Variants in NSD2 observed in about 807,000 individuals in gnomAD.
NSD2 encodes the protein histone-lysine N-methyltransferase NSD2.
A neutral mutation model predicts 139.0 loss-of-function variants in NSD2; 12 were observed. That is an observed-to-expected ratio of 0.09 (90% CI 0.06 to 0.14). The LOEUF is 0.14. NSD2 is among the 10% of genes least tolerant of loss of function. The probability of loss-of-function intolerance (pLI) is 1.00; values close to 1 mark genes in which losing one functional copy is unlikely to be tolerated. For missense variants in NSD2, 1,155 were observed against 1,745.0 expected (o/e 0.66, Z 6.02); for synonymous variants, 669 against 648.7 (o/e 1.03, Z -0.48).
intron 3 of NSD2, among the ~76,000 whole-genome samples, chr4:1,906,247 T>A (rs1004962785): frequency 1.3e-5 from 2 of 152,198 alleles, no homozygotes; most frequent in Non-Finnish European, 2.9e-5. Flanking sequence ...ACTTTTAATT[T>A]CTTTTTTTGG....
chr4:1,896,990 G>A (rs192060792), intron 1 of NSD2, among the ~76,000 whole-genome samples: 43 of 151,998 alleles, frequency 2.8e-4, no homozygotes, highest in African/African-American at 9.6e-4. Context: ...CGGCAACATG[G>A]TGAGACTTTG....
intron 1 of NSD2, among the ~76,000 whole-genome samples, chr4:1,895,740 C>G (rs1465504222): frequency 6.6e-6 from 1 of 152,192 alleles, no homozygotes; most frequent in East Asian, 1.9e-4. Context: ...CTCAGGTTTC[C>G]CTGCAGGTCC....
At chr4:1,888,857 C>G (rs560060311) in intron 1 of NSD2, among the ~76,000 whole-genome samples, 2 of 151,592 alleles carry the variant, frequency 1.3e-5, no homozygotes, top group African/African-American at 2.4e-5. Flanking sequence ...TGAGCCACCA[C>G]GCCTGGCTGC....
rs1723253391 is a variant in NSD2, at chr4:1,942,976, G to GA, written c.1881+3205dup. On this transcript the variant is annotated intron_variant, in intron 9 of 21. Coordinates refer to ENST00000508803, the MANE Select transcript of NSD2 (RefSeq NM_001042424.3). This position sits in a 1 kb window ranked among gnomAD's most constrained non-coding sequence, Gnocchi z 4.0. Reference sequence around the variant, plus strand: ...TGACACTAGATACAGTAAATTTTTAGAAAAAAATACCATTTACAGTATTAT... The same window carrying GA: ...TGACACTAGATACAGTAAATTTTTAGAAAAAAAATACCATTTACAGTATTAT... 3.8e-6 allele frequency: 4 copies of GA among 1,051,044 alleles called. No homozygotes were observed. Among genetic ancestry groups the GA allele is most frequent in the East Asian group, 5.4e-5 (1 of 18,388 alleles). The allele number at this position is 1,051,044 out of a possible 1,614,324, so 65.1% of individuals were successfully genotyped here. A position where few individuals can be genotyped will look rare whatever the true frequency, so the allele number is the denominator to read the frequency against.
intron 9 of NSD2, among the ~76,000 whole-genome samples, chr4:1,950,030 G>A (rs780610748): frequency 7.2e-5 from 11 of 152,252 alleles, no homozygotes; most frequent in Non-Finnish European, 1.6e-4. Flanking sequence ...TGATGATTGA[G>A]GTGTACAGGA....
chr4:1,906,211 C>A (rs2108763342), intron 3 of NSD2, among the ~76,000 whole-genome samples: 1 of 152,220 alleles, frequency 6.6e-6, no homozygotes, highest in East Asian at 1.9e-4. Context: ...TTGAAAGTCT[C>A]CTTGTTCTTC....
intron 1 of NSD2, among the ~76,000 whole-genome samples, chr4:1,880,218 C>T (rs966405916): frequency 3.3e-5 from 5 of 152,124 alleles, no homozygotes; most frequent in East Asian, 1.9e-4. Flanking sequence ...AAAGCATCTT[C>T]TTCTCATTGA....
intron 2 of NSD2, among the ~76,000 whole-genome samples, chr4:1,903,835 C>T (rs557296384): frequency 2.6e-5 from 4 of 151,450 alleles, no homozygotes; most frequent in East Asian, 3.9e-4. Flanking sequence ...CCCGGGTTCA[C>T]GCCATTCTCC....
At chr4:1,934,096 T>G (rs1722012176) in intron 6 of NSD2, among the ~76,000 whole-genome samples, 1 of 152,090 alleles carries the variant, frequency 6.6e-6, no homozygotes, top group African/African-American at 2.4e-5. Flanking sequence ...GTTTTTCGTT[T>G]TTTTTTTAGA....
At chr4:1,965,922 G>A (rs1725839654) in intron 18 of NSD2, among the ~76,000 whole-genome samples, 1 of 152,172 alleles carries the variant, frequency 6.6e-6, no homozygotes, top group African/African-American at 2.4e-5. Context: ...TAACACCTGA[G>A]GATTACAATT....
At chr4:1,910,333 C>G (rs933076566) in intron 3 of NSD2, among the ~76,000 whole-genome samples, 3 of 152,008 alleles carry the variant, frequency 2.0e-5, no homozygotes, top group Non-Finnish European at 2.9e-5. Flanking sequence ...TCAAGTGATT[C>G]TCCTGCCGCA....
intron 21 of NSD2, among the ~76,000 whole-genome samples, chr4:1,977,830 AAAAAG>A (rs1342759112): frequency 5.4e-5 from 8 of 149,012 alleles, no homozygotes; most frequent in Non-Finnish European, 1.0e-4. Context: ...ACAAAACTAT[AAAAAG>A]AAAATCCAGG....
At chr4:1,965,707 A>T (rs1577561470) in intron 18 of NSD2, among the ~76,000 whole-genome samples, 1 of 152,226 alleles carries the variant, frequency 6.6e-6, no homozygotes, top group African/African-American at 2.4e-5. Context: ...GTTCCACATA[A>T]CAGGGGAGGC....
At chr4:1,901,573 C>G (rs1177177306) in intron 2 of NSD2, among the ~76,000 whole-genome samples, 1 of 152,228 alleles carries the variant, frequency 6.6e-6, no homozygotes, top group Non-Finnish European at 1.5e-5. Flanking sequence ...CCTTGCTTGA[C>G]AACGTCAGGC....
chr4:1,978,888 G>C lies in NSD2; in HGVS notation c.4077G>C (p.Arg1359=), dbSNP rs1447089000. ...AGAGGCGGCGGCGGAGGGGCTGGCG[G>C]AGAGTCACAGAGGGCAAATAGCGCC... ...KGKRRRRRGW[R]RVTEGK Residue 1359 remains arginine (R), a synonymous_variant, in exon 22 of 22, where the codon CGG becomes CGC. Coordinates refer to ENST00000508803, the MANE Select transcript of NSD2 (RefSeq NM_001042424.3). 1 of 1,563,142 alleles carries C rather than the reference G, an allele frequency of 6.4e-7. No individual in the cohort carries two copies. The highest frequency in any genetic ancestry group is 1.2e-5 in the South Asian group (1 of 85,146).
Position 1,956,269 on chromosome 4 carries a change from T to C in NSD2, c.2881+81T>C. 2 of 1,308,470 alleles carry C rather than the reference T, an allele frequency of 1.5e-6. No individual in the cohort carries two copies. The highest frequency in any genetic ancestry group is 2.1e-6 in the Non-Finnish European group (2 of 968,004). The allele number at this position is 1,308,470 out of a possible 1,614,324, so 81.1% of individuals were successfully genotyped here. A position where few individuals can be genotyped will look rare whatever the true frequency, so the allele number is the denominator to read the frequency against. ...CTAATTTCTATTTTTTAAAATTTGA[T>C]CTTTATAGAAAATACTGGACTAAGC... is the stretch of plus-strand genomic sequence containing the variant. On this transcript the variant is annotated intron_variant, in intron 15 of 21. Transcript: ENST00000508803. The surrounding 1 kb of genome is among the most constrained non-coding windows in gnomAD (Gnocchi z 5.3).
intron 3 of NSD2, among the ~76,000 whole-genome samples, chr4:1,911,717 C>T (rs571211280): frequency 1.3e-5 from 2 of 151,594 alleles, no homozygotes; most frequent in East Asian, 3.9e-4. Context: ...AGATATTCAC[C>T]TCTCAACTTG....
intron 11 of NSD2, among the ~76,000 whole-genome samples, chr4:1,952,574 G>A (rs1345210435): frequency 6.6e-6 from 1 of 152,220 alleles, no homozygotes; most frequent in Non-Finnish European, 1.5e-5. Flanking sequence ...CGCTCAGACA[G>A]TGCAGCATTA....
intron 1 of NSD2, among the ~76,000 whole-genome samples, chr4:1,882,691 A>C (rs955788794): frequency 2.0e-5 from 3 of 151,898 alleles, no homozygotes; most frequent in East Asian, 1.9e-4. Context: ...ACAACAACAA[A>C]AAACTGGGTT....
Sources: gnomAD v4.1 joint callset for allele counts (sites outside exome capture counted in the v4.1 genomes callset) on GRCh38, gnomAD v4.1.1 for gene constraint, Gnocchi (gnomAD v3.1) non-coding constraint, MANE v1.5 for transcripts, NCBI Gene and HGNC (gene_info 2026-07-23, HGNC 2026-07-21) for gene names.